The following PLS1 variants were observed in gnomAD, a reference collection of about 807,000 sequenced individuals.
PLS1 encodes plastin 1.
A neutral mutation model predicts 73.7 loss-of-function variants in PLS1; 32 were observed. The ratio of observed to expected loss-of-function variants is 0.43; its 90% CI spans 0.33 to 0.58. The LOEUF is 0.58. Ranked by LOEUF, PLS1 falls within the 20% of genes least tolerant of loss-of-function variation. The probability of loss-of-function intolerance (pLI) is 0.04; values close to 1 mark genes in which losing one functional copy is unlikely to be tolerated. For synonymous variants in PLS1, 217 were observed against 261.3 expected, an observed-to-expected ratio of 0.83 and a Z score of 1.63; for missense variants, 633 against 740.5, an observed-to-expected ratio of 0.85 and a Z score of 1.68.
intron 1 of PLS1, among the ~76,000 whole-genome samples, chr3:142,641,956 G>C (rs917641581): frequency 1.2e-4 from 18 of 152,146 alleles, no homozygotes; most frequent in Middle Eastern, 3.4e-3. Flanking sequence ...TTTCTGCTGT[G>C]TTCAGGATCT....
At chr3:142,702,312 T>C (rs2038347763) in intron 12 of PLS1, among the ~76,000 whole-genome samples, 1 of 152,250 alleles carries the variant, frequency 6.6e-6, no homozygotes, top group Non-Finnish European at 1.5e-5. Flanking sequence ...TCCAAAGATC[T>C]TCCATTTTTA....
At chr3:142,681,670 G>T (rs528051236) in intron 6 of PLS1, among the ~76,000 whole-genome samples, 2 of 152,262 alleles carry the variant, frequency 1.3e-5, no homozygotes, top group Admixed American at 1.3e-4. Context: ...GAGTCTTCAG[G>T]AAGGCTGGGC....
intron 1 of PLS1, among the ~76,000 whole-genome samples, chr3:142,633,476 T>G (rs1426067627): frequency 6.6e-6 from 1 of 152,084 alleles, no homozygotes; most frequent in African/African-American, 2.4e-5. Flanking sequence ...GCCAATATGG[T>G]GAAACTCTGT....
At chr3:142,691,851 C>T (rs1266502110) in intron 10 of PLS1, among the ~76,000 whole-genome samples, 1 of 152,064 alleles carries the variant, frequency 6.6e-6, no homozygotes, top group Non-Finnish European at 1.5e-5. Flanking sequence ...TTAAATAAAA[C>T]ACAATTAAAT....
intron 1 of PLS1, among the ~76,000 whole-genome samples, chr3:142,658,177 AAAAATATGT>A (rs2037283002): frequency 6.6e-6 from 1 of 152,146 alleles, no homozygotes; most frequent in Non-Finnish European, 1.5e-5. Context: ...TGTATCTTTA[AAAAATATGT>A]AACAGGCTGA....
intron 6 of PLS1, among the ~76,000 whole-genome samples, chr3:142,678,527 G>GT (rs1429959375): frequency 6.7e-6 from 1 of 149,938 alleles, no homozygotes; most frequent in Non-Finnish European, 1.5e-5. Flanking sequence ...GTGGTGTTTG[G>GT]TTTTTTGTTC....
intron 4 of PLS1, among the ~76,000 whole-genome samples, chr3:142,673,080 T>C (rs2037641404): frequency 2.0e-5 from 3 of 152,212 alleles, no homozygotes; most frequent in African/African-American, 7.2e-5. Context: ...CTTATCCATG[T>C]TGTCACATAT....
Position 142,622,881 on chromosome 3 carries a change from C to T in PLS1, c.-37+26372C>T, listed in dbSNP as rs551360552. Among the ~76,000 whole-genome samples the T allele has an allele frequency of 3.9e-5, 6 of 152,258 alleles. No homozygotes were observed. The South Asian group carries it at 1.2e-3, about 32-fold the overall frequency. ...GTTTGTTTGTTTGTTTTTGGTTTTA[C>T]AATTTCCTAATTATTTCTGGGAATT... On this transcript the variant is annotated intron_variant, in intron 1 of 15. Transcript: ENST00000457734.
At chr3:142,602,985 C>CT (rs1237187304) in intron 1 of PLS1, among the ~76,000 whole-genome samples, 2 of 152,220 alleles carry the variant, frequency 1.3e-5, no homozygotes, top group Admixed American at 6.5e-5. Context: ...CCCTCATTCT[C>CT]TCAACATTCA....
At chr3:142,616,599 A>G (rs2036220224) in intron 1 of PLS1, among the ~76,000 whole-genome samples, 1 of 151,934 alleles carries the variant, frequency 6.6e-6, no homozygotes, top group African/African-American at 2.4e-5. Context: ...GTTTAGTGAC[A>G]CAATTATTAT....
At chr3:142,645,779 T>A (rs2036940670) in intron 1 of PLS1, among the ~76,000 whole-genome samples, 1 of 152,214 alleles carries the variant, frequency 6.6e-6, no homozygotes, top group African/African-American at 2.4e-5. Context: ...AGGTACTTTT[T>A]CAGAGGAAAA....
At chr3:142,673,200 C>T (rs1328798023) in intron 4 of PLS1, among the ~76,000 whole-genome samples, 25 of 152,174 alleles carry the variant, frequency 1.6e-4, no homozygotes. Context: ...ATGTGTACCA[C>T]CATGCCCAGC....
intron 4 of PLS1, among the ~76,000 whole-genome samples, chr3:142,671,480 G>A (rs1292300364): frequency 6.6e-6 from 1 of 152,028 alleles, no homozygotes; most frequent in East Asian, 1.9e-4. Flanking sequence ...CTGATGAGGT[G>A]GCTTTACTTT....
intron 1 of PLS1, among the ~76,000 whole-genome samples, chr3:142,604,964 T>C (rs1467965435): frequency 2.6e-5 from 4 of 151,740 alleles, no homozygotes; most frequent in African/African-American, 9.7e-5. Flanking sequence ...AAGATTATTA[T>C]CAGTGGAAAA....
chr3:142,665,211 A>C (rs1299138522), intron 2 of PLS1, among the ~76,000 whole-genome samples: 2 of 151,860 alleles, frequency 1.3e-5, no homozygotes, highest in Non-Finnish European at 2.9e-5. Flanking sequence ...ATAACGACTA[A>C]AATTAATGTG....
At chr3:142,704,099 G>T in intron 13 of PLS1, 98 bp downstream of exon 13, 2 of 911,294 alleles carry the variant, frequency 2.2e-6, no homozygotes, top group Non-Finnish European at 3.4e-6. Flanking sequence ...GAACACAGAA[G>T]AAATATACAA....
chr3:142,652,193 C>T (rs2037109462), intron 1 of PLS1, among the ~76,000 whole-genome samples: 1 of 152,148 alleles, frequency 6.6e-6, no homozygotes, highest in Admixed American at 6.5e-5. Context: ...AACTGATTCC[C>T]ACTTCGTAGA....
At chr3:142,597,811 A>G (rs2035839077) in intron 1 of PLS1, among the ~76,000 whole-genome samples, 1 of 152,126 alleles carries the variant, frequency 6.6e-6, no homozygotes, top group Non-Finnish European at 1.5e-5. Context: ...CTCCATTATT[A>G]AACTTCCTTT....
At chr3:142,702,958 G>A (rs1386720210) in intron 12 of PLS1, among the ~76,000 whole-genome samples, 2 of 152,172 alleles carry the variant, frequency 1.3e-5, no homozygotes, top group Non-Finnish European at 2.9e-5. Flanking sequence ...ACAAGGCTAA[G>A]TATAGTAGAA....
Sources: gnomAD v4.1 joint callset for allele counts (sites outside exome capture counted in the v4.1 genomes callset) on GRCh38, gnomAD v4.1.1 for gene constraint, MANE v1.5 for transcripts, NCBI Gene and HGNC (gene_info 2026-07-23, HGNC 2026-07-21) for gene names.